The following SLC14A2 variants were observed in gnomAD, a reference collection of about 807,000 sequenced individuals.
SLC14A2 encodes the protein urea transporter 2.
In SLC14A2, 91 loss-of-function variants were observed where a neutral mutation model predicts 104.6. The ratio of observed to expected loss-of-function variants is 0.87; its 90% CI spans 0.73 to 1.04. The LOEUF is 1.04. SLC14A2 is among the 50% of genes least tolerant of loss of function. The probability of loss-of-function intolerance (pLI) is 0.00; values close to 1 mark genes in which losing one functional copy is unlikely to be tolerated. For missense variants in SLC14A2, 1,189 were observed against 1,156.0 expected (o/e 1.03, Z -0.41); for synonymous variants, 476 against 466.4 (o/e 1.02, Z -0.27).
chr18:45,624,602 A>C, intron 1 of SLC14A2, 29 bp from the exon 2 acceptor site: 1 of 1,545,470 alleles, frequency 6.5e-7, no homozygotes, highest in Non-Finnish European at 8.8e-7. Flanking sequence ...GTCCTGACTC[A>C]CTAGCTCTTT....
intron 2 of SLC14A2, among the ~76,000 whole-genome samples, chr18:45,493,702 TA>T (rs1678603086): frequency 6.6e-6 from 1 of 152,236 alleles, no homozygotes; most frequent in East Asian, 1.9e-4. Context: ...AGGCCAAAAT[TA>T]CCTTCTATGA....
chr18:45,637,144 G>A lies in SLC14A2; in HGVS notation c.805G>A (p.Val269Met), dbSNP rs1198424121. 1 of 1,614,148 alleles carries A rather than the reference G, an allele frequency of 6.2e-7. No individual in the cohort carries two copies. The highest frequency in any genetic ancestry group is 1.7e-5 in the Admixed American group (1 of 60,018). Residue 269 changes from valine to methionine, a missense_variant, in exon 6 of 20, where the codon GTG (valine) becomes ATG (methionine). Coordinates refer to ENST00000255226, the MANE Select transcript of SLC14A2 (RefSeq NM_007163.4). ...AACACTGGTAGAGCCTGTGTCTTCA[G>A]TGCCCAATATCACCTGGACAGAGAT... ...PTTLVEPVSSVPNITWTEMEM... is the reference protein window; with the variant it reads ...PTTLVEPVSSMPNITWTEMEM...
chr18:45,256,954 C>T (rs961091739), intron 1 of SLC14A2, among the ~76,000 whole-genome samples: 2 of 152,210 alleles, frequency 1.3e-5, no homozygotes, highest in African/African-American at 4.8e-5. Flanking sequence ...GTATATTACC[C>T]CTTTACATGG....
intron 2 of SLC14A2, among the ~76,000 whole-genome samples, chr18:45,522,702 GT>G (rs1256943001): frequency 2.0e-5 from 3 of 152,142 alleles, no homozygotes; most frequent in Non-Finnish European, 2.9e-5. Context: ...CATGAATTTT[GT>G]ACAGTGTGCT....
At chr18:45,658,938 T>C (rs12458806) in intron 10 of SLC14A2, among the ~76,000 whole-genome samples, 42,592 of 152,078 alleles carry the variant, frequency 0.28, 7,010 homozygotes, top group Middle Eastern at 0.4. Context: ...GAAAGCACCA[T>C]TGGCCTCCTG....
chr18:45,207,469 A>G, the SLC14A2 span, among the ~76,000 whole-genome samples: 1 of 151,398 alleles, frequency 6.6e-6, no homozygotes, highest in African/African-American at 2.4e-5. Flanking sequence ...GGGGAAGGAA[A>G]GTGAAGAAAA....
chr18:45,677,763 C>A (rs1468077817), intron 18 of SLC14A2, among the ~76,000 whole-genome samples: 1 of 152,192 alleles, frequency 6.6e-6, no homozygotes, highest in East Asian at 1.9e-4. Flanking sequence ...CCATTGACAG[C>A]CCCACATTCT....
intron 2 of SLC14A2, among the ~76,000 whole-genome samples, chr18:45,533,477 G>T (rs1464426706): frequency 7.2e-5 from 11 of 151,862 alleles, no homozygotes; most frequent in African/African-American, 2.7e-4. Flanking sequence ...TTTTCAAGTT[G>T]ATTTGCATAG....
intron 2 of SLC14A2, among the ~76,000 whole-genome samples, chr18:45,500,746 A>C (rs746897860): frequency 6.6e-6 from 1 of 152,168 alleles, no homozygotes; most frequent in Non-Finnish European, 1.5e-5. Flanking sequence ...AAGACTCAGA[A>C]TATAAAGGTC....
At chr18:45,257,794 TA>T (rs2084495225) in intron 1 of SLC14A2, among the ~76,000 whole-genome samples, 1 of 152,170 alleles carries the variant, frequency 6.6e-6, no homozygotes, top group African/African-American at 2.4e-5. Context: ...CTAGGTTGGC[TA>T]AAGTTCAATC....
intron 1 of SLC14A2, among the ~76,000 whole-genome samples, chr18:45,219,709 G>C (rs1324986004): frequency 6.6e-6 from 1 of 152,146 alleles, no homozygotes; most frequent in African/African-American, 2.4e-5. Context: ...TCTTTAACCT[G>C]CGTTTTTAAA....
intron 2 of SLC14A2, among the ~76,000 whole-genome samples, chr18:45,512,624 G>A (rs1347835444): frequency 6.6e-6 from 1 of 152,172 alleles, no homozygotes; most frequent in African/African-American, 2.4e-5. Flanking sequence ...ACAGCTTGAT[G>A]GTCTTCCAGC....
chr18:45,294,782 T>C (rs2084903892), intron 1 of SLC14A2, among the ~76,000 whole-genome samples: 1 of 152,260 alleles, frequency 6.6e-6, no homozygotes, highest in African/African-American at 2.4e-5. Flanking sequence ...TGTCTTGATT[T>C]AACTACATTT....
At chr18:45,347,708 G>A (rs902993725) in intron 1 of SLC14A2, among the ~76,000 whole-genome samples, 6 of 152,170 alleles carry the variant, frequency 3.9e-5, no homozygotes, top group East Asian at 3.9e-4. Context: ...TCTTGAAGCT[G>A]TAGTTTCTCT....
intron 1 of SLC14A2, among the ~76,000 whole-genome samples, chr18:45,370,391 C>G (rs2085710536): frequency 6.6e-6 from 1 of 152,128 alleles, no homozygotes; most frequent in Non-Finnish European, 1.5e-5. Context: ...CGTGGGAGAC[C>G]AGGCTGGTGA....
intron 2 of SLC14A2, among the ~76,000 whole-genome samples, chr18:45,489,715 C>T (rs1024999713): frequency 6.6e-6 from 1 of 152,156 alleles, no homozygotes; most frequent in Non-Finnish European, 1.5e-5. Context: ...AAGACCTTCG[C>T]ATCTCACTGG....
At chr18:45,202,897 C>T in the SLC14A2 span, among the ~76,000 whole-genome samples, 13 of 152,192 alleles carry the variant, frequency 8.5e-5, 1 homozygote, top group South Asian at 2.7e-3. Context: ...AAAATTTAAC[C>T]TCTCAGTAAT....
the SLC14A2 span, among the ~76,000 whole-genome samples, chr18:45,179,607 G>A: frequency 6.6e-6 from 1 of 152,166 alleles, no homozygotes; most frequent in East Asian, 1.9e-4. Flanking sequence ...CAGTGTCACT[G>A]AATGCCGAAG....
chr18:45,594,468 T>C (rs1355172310), intron 2 of SLC14A2, among the ~76,000 whole-genome samples: 1 of 152,208 alleles, frequency 6.6e-6, no homozygotes, highest in Non-Finnish European at 1.5e-5. Context: ...CCAAGCTTTC[T>C]TTGATCTTCA....
Sources: allele counts gnomAD v4.1 joint callset (sites outside exome capture counted in the v4.1 genomes callset), GRCh38; gene constraint gnomAD v4.1.1; transcripts MANE v1.5; gene names NCBI Gene and HGNC (gene_info 2026-07-23, HGNC 2026-07-21).